ZNF98: variants seen among roughly 807,000 people sequenced by gnomAD.
The protein encoded by ZNF98 is zinc finger protein 739.
A neutral mutation model predicts 12.8 loss-of-function variants in ZNF98; 8 were observed. The observed-to-expected ratio is 0.63, with a 90% CI of 0.37 to 1.13. The LOEUF is 1.13. ZNF98 is among the 50% of genes most tolerant of loss of function. ZNF98 has a pLI of 0.01. For missense variants in ZNF98, 379 were observed against 666.1 expected (o/e 0.57, Z 4.74); for synonymous variants, 112 against 223.5 (o/e 0.50, Z 4.45).
At chr19:22,413,737 C>T (rs867096685) in intron 1 of ZNF98, among the ~76,000 whole-genome samples, 3 of 151,656 alleles carry the variant, frequency 2.0e-5, no homozygotes, top group East Asian at 2.0e-4. Context: ...AGGGTGGTGG[C>T]GCATGCCTGT....
At chr19:22,405,382 C>T (rs899344771) in intron 1 of ZNF98, among the ~76,000 whole-genome samples, 2 of 151,872 alleles carry the variant, frequency 1.3e-5, no homozygotes, top group African/African-American at 4.8e-5. Flanking sequence ...CCTGCACTTG[C>T]ACCTGAGGTA....
chr19:22,407,928 A>C (rs1287027107), intron 1 of ZNF98, among the ~76,000 whole-genome samples: 1 of 150,552 alleles, frequency 6.6e-6, no homozygotes, highest in East Asian at 2.0e-4. Flanking sequence ...AAAATTAGCC[A>C]GGCGTGGTGG....
chr19:22,412,354 C>A (rs2145119993), intron 1 of ZNF98, among the ~76,000 whole-genome samples: 1 of 152,114 alleles, frequency 6.6e-6, no homozygotes, highest in East Asian at 1.9e-4. Context: ...AGGCAAGAAC[C>A]AAGAAGTTCT....
intron 1 of ZNF98, among the ~76,000 whole-genome samples, chr19:22,408,390 G>A (rs1969545441): frequency 6.6e-6 from 1 of 152,108 alleles, no homozygotes; most frequent in Non-Finnish European, 1.5e-5. Flanking sequence ...TACAAGACAA[G>A]GATGCCCTTT....
At chr19:22,398,771 T>G (rs1440906495) in intron 3 of ZNF98, among the ~76,000 whole-genome samples, 11 of 152,080 alleles carry the variant, frequency 7.2e-5, no homozygotes, top group Admixed American at 5.9e-4. Context: ...AAAAATTACC[T>G]TCAAGTCACA....
In ZNF98 at chr19:22,391,714, T is replaced by G; in HGVS notation, c.1521A>C (p.Thr507=). Residue 507 remains threonine, a synonymous_variant, in exon 4 of 4, where the codon ACA becomes ACC. Coordinates refer to ENST00000357774, the MANE Select transcript of ZNF98 (RefSeq NM_001098626.2). The stretch of plus-strand genomic sequence containing the variant: ...TCTCTCCAGTATGAATCATCTTATG[T>G]GTAGTAAGGTGTGAGGACTGGTTAA... ...KAFNQSSHLT[T]HKMIHTGEKP... is the part of the protein sequence containing the mutation. 8 of 1,614,068 alleles carry G rather than the reference T, an allele frequency of 5.0e-6. No homozygotes were observed. Among genetic ancestry groups the G allele is most frequent in the Non-Finnish European group, 6.8e-6 (8 of 1,179,970 alleles).
At chr19:22,401,121 A>AAAAAAG (rs1641245311) in intron 3 of ZNF98, among the ~76,000 whole-genome samples, 1 of 151,478 alleles carries the variant, frequency 6.6e-6, no homozygotes, top group African/African-American at 2.4e-5. Flanking sequence ...AAAAAAAAAA[A>AAAAAAG]AATTTAAGTC....
At chr19:22,412,280 T>A (rs8108891) in intron 1 of ZNF98, among the ~76,000 whole-genome samples, 1 of 152,134 alleles carries the variant, frequency 6.6e-6, no homozygotes, top group Non-Finnish European at 1.5e-5. Flanking sequence ...TCACTTGAAT[T>A]ATACAAGTAC....
chr19:22,420,161 T>C (rs1206485728), intron 1 of ZNF98, among the ~76,000 whole-genome samples: 3 of 152,006 alleles, frequency 2.0e-5, no homozygotes, highest in Non-Finnish European at 4.4e-5. Context: ...AGACTCCGTC[T>C]CAAAAAGAAA....
At chr19:22,401,230 G>C (rs1969453271) in intron 3 of ZNF98, among the ~76,000 whole-genome samples, 1 of 151,372 alleles carries the variant, frequency 6.6e-6, no homozygotes, top group Non-Finnish European at 1.5e-5. Flanking sequence ...CCTAATTAAA[G>C]TAATAATTAC....
intron 1 of ZNF98, among the ~76,000 whole-genome samples, chr19:22,417,408 CA>C (rs1568297116): frequency 1.3e-5 from 2 of 151,962 alleles, no homozygotes; most frequent in Non-Finnish European, 2.9e-5. Flanking sequence ...ATCTGCACAC[CA>C]AACCCCCATG....
chr19:22,407,295 G>T (rs1969530632), intron 1 of ZNF98, among the ~76,000 whole-genome samples: 1 of 151,836 alleles, frequency 6.6e-6, no homozygotes, highest in African/African-American at 2.4e-5. Context: ...GACCTCAGAT[G>T]ATCCCCCTGC....
At chr19:22,409,492 A>C (rs1253117461) in intron 1 of ZNF98, among the ~76,000 whole-genome samples, 1 of 152,220 alleles carries the variant, frequency 6.6e-6, no homozygotes, top group African/African-American at 2.4e-5. Context: ...CTATCATGAG[A>C]GTGAACCAGC....
chr19:22,398,621 C>T (rs1264185424), intron 3 of ZNF98, among the ~76,000 whole-genome samples: 2 of 151,994 alleles, frequency 1.3e-5, no homozygotes, highest in African/African-American at 4.8e-5. Context: ...TCCCAAAATC[C>T]GGGGATTACA....
chr19:22,391,732 C>G lies in ZNF98; in HGVS notation c.1503G>C (p.Gln501His). 6.2e-7 allele frequency: 1 copy of G among 1,613,324 alleles called. No individual in the cohort carries two copies. Among genetic ancestry groups the G allele is most frequent in the East Asian group, 2.2e-5 (1 of 44,812 alleles). ...TCTTATGTGTAGTAAGGTGTGAGGA[C>G]TGGTTAAAAGCTTTGCCACATTCTT... is the stretch of plus-strand genomic sequence containing the variant. ...KCEECGKAFNQSSHLTTHKMI... is the reference protein window; with the variant it reads ...KCEECGKAFNHSSHLTTHKMI... The change falls in exon 4 of 4, where the codon CAG (glutamine) becomes CAC (histidine). Residue 501 changes from glutamine (Q) to histidine (H), a missense_variant. Physicochemically the swap from Gln to His is conservative, Grantham distance 24. Transcript: ENST00000357774.
chr19:22,414,386 A>C (rs1969617420), intron 1 of ZNF98, among the ~76,000 whole-genome samples: 1 of 152,134 alleles, frequency 6.6e-6, no homozygotes. Context: ...CAAAACAAAA[A>C]AACTTTTAAA....
chr19:22,402,795 G>T lies in ZNF98; in HGVS notation c.247C>A (p.Pro83Thr), dbSNP rs752069036. 6 of 1,591,326 alleles carry T rather than the reference G, an allele frequency of 3.8e-6. No homozygotes were observed. Among genetic ancestry groups the T allele is most frequent in the Admixed American group, 1.8e-5 (1 of 55,386 alleles). ...CACTTTCACTCTCACCTACCTGGGG[G>T]TTCAGTTACCATCTCATGTCTCTTC... Reference protein sequence around the residue: ...NVKRHEMVTEPPVVYSYFAQD... With the variant: ...NVKRHEMVTETPVVYSYFAQD... The change falls in exon 3 of 4, where the codon CCC becomes ACC. Residue 83 changes from proline (P) to threonine (T), a missense_variant. This residue lies in a region of ZNF98 where 223 missense variants were observed against 261.6 expected (regional missense o/e 0.85). Transcript: ENST00000357774.
At chr19:22,412,914 G>A (rs1434350106) in intron 1 of ZNF98, among the ~76,000 whole-genome samples, 1 of 151,892 alleles carries the variant, frequency 6.6e-6, no homozygotes, top group African/African-American at 2.4e-5. Flanking sequence ...TTAGCCAGGC[G>A]TGGTGGCGGG....
At chr19:22,400,315 G>A (rs1347480782) in intron 3 of ZNF98, among the ~76,000 whole-genome samples, 1 of 152,138 alleles carries the variant, frequency 6.6e-6, no homozygotes, top group Non-Finnish European at 1.5e-5. Context: ...TGCCTATGTA[G>A]AAACCCACAC....
Sources: allele counts gnomAD v4.1 joint callset (sites outside exome capture counted in the v4.1 genomes callset), GRCh38; gene constraint gnomAD v4.1.1; regional missense constraint gnomAD v4.1.1; transcripts MANE v1.5; gene names NCBI Gene and HGNC (gene_info 2026-07-23, HGNC 2026-07-21).